The following UPRT variants were observed in gnomAD, a reference collection of about 807,000 sequenced individuals.
The protein encoded by UPRT is uracil phosphoribosyltransferase homolog.
A neutral mutation model predicts 22.6 loss-of-function variants in UPRT; 5 were observed. The observed-to-expected ratio is 0.22, with a 90% confidence interval of 0.12 to 0.47. The LOEUF (loss-of-function observed/expected upper bound fraction) is 0.47. Ranked by LOEUF, UPRT falls within the 20% of genes least tolerant of loss-of-function variation. UPRT has a pLI of 0.99. For missense variants in UPRT, 181 were observed against 239.9 expected (o/e 0.75, Z 1.62); for synonymous variants, 77 against 87.7 (o/e 0.88, Z 0.68).
chrX:75,250,276 G>A (rs1343644974), intron 4 of UPRT, among the ~76,000 whole-genome samples: 2 of 109,550 alleles, frequency 1.8e-5, no homozygotes, highest in African/African-American at 6.6e-5. Flanking sequence ...TCAGGAGCTG[G>A]TTTTTTGAAA....
At chrX:75,238,774 C>T (rs910931296) in intron 4 of UPRT, among the ~76,000 whole-genome samples, 1 of 111,562 alleles carries the variant, frequency 9.0e-6, no homozygotes, top group Non-Finnish European at 1.9e-5. Flanking sequence ...CTCTTGCAGA[C>T]CACAGTGGAA....
At chrX:75,186,789 T>C (rs2082293899) in intron 4 of UPRT, among the ~76,000 whole-genome samples, 1 of 111,839 alleles carries the variant, frequency 8.9e-6, no homozygotes, top group Non-Finnish European at 1.9e-5. Context: ...GCCTTCTTTG[T>C]CTCTTTCGAT....
chrX:75,291,404 G>A (rs1003435513), intron 1 of UPRT: 4 of 322,843 alleles, frequency 1.2e-5, no homozygotes, highest in Admixed American at 6.5e-5. Context: ...TTTTTTTCCA[G>A]TAGGAGAGAT....
rs1160416977 is a variant in UPRT at position 75,175,918 on chromosome X, G to A, written c.-447+8039G>A. ...TATTATAGAACACTGAGTTTGCCAC[G>A]TTTAATAATGCCTCTAGATTTTGTT... On this transcript the variant is annotated intron_variant, in intron 4 of 13. Coordinates refer to the UPRT transcript ENST00000652605. Among the ~76,000 whole-genome samples, 5 of 110,885 alleles carry A rather than the reference G, an allele frequency of 4.5e-5. No individual in the cohort carries two copies. The East Asian group carries it at 1.1e-3, about 25-fold the overall frequency.
intron 1 of UPRT, among the ~76,000 whole-genome samples, chrX:75,280,738 T>G (rs2082652849): frequency 9.0e-6 from 1 of 111,675 alleles, no homozygotes. Flanking sequence ...TGCTTAGTCT[T>G]GCTTTGGCTG....
intron 4 of UPRT, among the ~76,000 whole-genome samples, chrX:75,185,018 C>T (rs1281938035): frequency 9.0e-6 from 1 of 111,220 alleles, no homozygotes; most frequent in Non-Finnish European, 1.9e-5. Context: ...TTGTTTCCTT[C>T]TCCTGCCTGA....
At chrX:75,260,078 G>C (rs907252565) in intron 4 of UPRT, among the ~76,000 whole-genome samples, 4 of 111,734 alleles carry the variant, frequency 3.6e-5, no homozygotes, top group Non-Finnish European at 7.5e-5. Context: ...TCACCACCAG[G>C]CCTGCCTTAC....
intron 4 of UPRT, among the ~76,000 whole-genome samples, chrX:75,229,435 C>A (rs994549800): frequency 8.1e-5 from 9 of 111,779 alleles, no homozygotes; most frequent in Non-Finnish European, 1.5e-4. Context: ...AATTCTTGCT[C>A]CAAGAACTAC....
In UPRT at chrX:75,303,168, A is replaced by G. The variant is rs1222484636; in HGVS notation, c.824-237A>G. ...AACAATTATATTTTTCAACTTGAGT[A>G]TAAAATAATAATTCTAAGAATGTAT... On this transcript the variant is annotated intron_variant, in intron 6 of 6. Coordinates refer to ENST00000373383, the MANE Select transcript of UPRT (RefSeq NM_145052.4). 2.7e-5 allele frequency among the ~76,000 whole-genome samples: 3 copies of G among 112,086 alleles called. No individual in the cohort carries two copies. The East Asian group carries it at 8.4e-4, about 31-fold the overall frequency.
intron 4 of UPRT, among the ~76,000 whole-genome samples, chrX:75,195,318 G>A (rs764232711): frequency 8.9e-6 from 1 of 112,704 alleles, no homozygotes; most frequent in African/African-American, 3.2e-5. Context: ...CCAGGCTGGG[G>A]CCCCAGGAGA....
intron 6 of UPRT, 105 bp downstream of exon 6, chrX:75,301,070 A>G (rs2082742743): frequency 4.0e-6 from 2 of 503,293 alleles, no homozygotes; most frequent in Non-Finnish European, 6.4e-6. Context: ...CTGCTTTCAC[A>G]TTAAATCTGA....
chrX:75,250,047 A>T (rs1167146756), intron 4 of UPRT, among the ~76,000 whole-genome samples: 6 of 112,118 alleles, frequency 5.4e-5, no homozygotes, highest in Non-Finnish European at 1.1e-4. Context: ...AATCTCTGGG[A>T]CACATTCAAA....
At chrX:75,230,236 A>T (rs2147641715) in intron 4 of UPRT, among the ~76,000 whole-genome samples, 1 of 111,243 alleles carries the variant, frequency 9.0e-6, no homozygotes, top group East Asian at 2.9e-4. Context: ...TCTCACCCCC[A>T]ACACTCAAAG....
chrX:75,235,016 T>G (rs1298679592), intron 4 of UPRT, among the ~76,000 whole-genome samples: 2 of 111,324 alleles, frequency 1.8e-5, no homozygotes, highest in African/African-American at 6.6e-5. Context: ...TTTGAAAAGA[T>G]CAACAAAATT....
chrX:75,222,522 A>G (rs1475979261), intron 4 of UPRT, among the ~76,000 whole-genome samples: 1 of 111,485 alleles, frequency 9.0e-6, no homozygotes, highest in East Asian at 2.8e-4. Flanking sequence ...GCTCTACTCT[A>G]CTGCACCTGA....
intron 1 of UPRT, chrX:75,285,379 C>G (rs2082675717): frequency 8.9e-6 from 1 of 111,855 alleles, no homozygotes; most frequent in African/African-American, 3.3e-5. Flanking sequence ...AGATTTACCC[C>G]CTGCTCCTCT....
intron 4 of UPRT, among the ~76,000 whole-genome samples, chrX:75,180,687 T>A (rs1015687317): frequency 1.3e-4 from 10 of 79,390 alleles, no homozygotes; most frequent in Admixed American, 3.5e-4. Flanking sequence ...CTCTGTTTTT[T>A]TTTTTTTGTT....
chrX:75,238,927 C>A (rs1267370894), intron 4 of UPRT, among the ~76,000 whole-genome samples: 1 of 111,370 alleles, frequency 9.0e-6, no homozygotes, highest in Admixed American at 9.6e-5. Flanking sequence ...ATAATAGTGA[C>A]ACAGACAGTC....
chrX:75,249,611 G>A (rs1651965480), intron 4 of UPRT, among the ~76,000 whole-genome samples: 1 of 110,846 alleles, frequency 9.0e-6, no homozygotes, highest in Non-Finnish European at 1.9e-5. Context: ...AATAATAATG[G>A]GAGACTCTAA....
Sources: allele counts gnomAD v4.1 joint callset (sites outside exome capture counted in the v4.1 genomes callset), GRCh38; gene constraint gnomAD v4.1.1; transcripts MANE v1.5; gene names NCBI Gene and HGNC (gene_info 2026-07-23, HGNC 2026-07-21).